Variants in CRB1 observed in about 807,000 individuals in gnomAD.
CRB1 encodes the protein crumbs cell polarity complex component 1.
CRB1 carries 83 observed loss-of-function variants against 120.0 expected under a neutral mutation model. The observed-to-expected ratio is 0.69, with a 90% CI of 0.58 to 0.83. The LOEUF (loss-of-function observed/expected upper bound fraction) is 0.83. CRB1 is among the 40% of genes least tolerant of loss of function. The pLI, the probability that CRB1 is intolerant of heterozygous loss-of-function variation, is 0.00. For missense variants in CRB1, 1,699 were observed against 1,687.6 expected (o/e 1.01, Z -0.12); for synonymous variants, 625 against 612.5 (o/e 1.02, Z -0.30).
chr1:197,238,518 A>G, the CRB1 span, among the ~76,000 whole-genome samples: 4 of 152,276 alleles, frequency 2.6e-5, no homozygotes, highest in Non-Finnish European at 4.4e-5. Context: ...ACAATTAAGT[A>G]CATGATTGTA....
chr1:197,305,559 G>T (rs115415163), intron 1 of CRB1, among the ~76,000 whole-genome samples: 1,992 of 151,870 alleles, frequency 0.013, 23 homozygotes, highest in Non-Finnish European at 0.022. Context: ...AGAGAGAAGA[G>T]AAATAATTAT....
At chr1:197,294,914 A>G (rs1221929458) in intron 1 of CRB1, among the ~76,000 whole-genome samples, 2 of 152,022 alleles carry the variant, frequency 1.3e-5, no homozygotes, top group African/African-American at 2.4e-5. Flanking sequence ...CGTGGGGTAG[A>G]GGGAGAGGGG....
intron 1 of CRB1, among the ~76,000 whole-genome samples, chr1:197,283,655 C>A (rs1413839973): frequency 1.3e-5 from 2 of 151,636 alleles, no homozygotes; most frequent in African/African-American, 4.8e-5. Context: ...ACCACAGTTT[C>A]TTTATACCAC....
chr1:197,418,035 G>T (rs1319938333), intron 5 of CRB1, among the ~76,000 whole-genome samples: 1 of 151,912 alleles, frequency 6.6e-6, no homozygotes, highest in Admixed American at 6.6e-5. Context: ...AAGTCCTGGG[G>T]TCTGCTGAAG....
chr1:197,403,785 TCC>T (rs1663188689), intron 5 of CRB1, among the ~76,000 whole-genome samples: 1 of 151,940 alleles, frequency 6.6e-6, no homozygotes, highest in African/African-American at 2.4e-5. Flanking sequence ...TCTCTCTCTC[TCC>T]CTCTCTCCCC....
At chr1:197,307,960 A>T (rs779507057) in intron 1 of CRB1, among the ~76,000 whole-genome samples, 1 of 152,182 alleles carries the variant, frequency 6.6e-6, no homozygotes, top group Non-Finnish European at 1.5e-5. Flanking sequence ...AAGAGAATAA[A>T]TCAGTCTACC....
At chr1:197,330,153 T>G (rs1009499601) in intron 2 of CRB1, among the ~76,000 whole-genome samples, 1 of 152,184 alleles carries the variant, frequency 6.6e-6, no homozygotes, top group African/African-American at 2.4e-5. Context: ...TAAAATGAAA[T>G]TTTTCCCCTC....
the CRB1 span, among the ~76,000 whole-genome samples, chr1:197,214,592 CT>C: frequency 1.3e-5 from 2 of 152,028 alleles, no homozygotes; most frequent in African/African-American, 4.8e-5. Flanking sequence ...AATGGATAAA[CT>C]TCTATAAGCA....
At chr1:197,420,738 T>C (rs1259374891) in intron 5 of CRB1, among the ~76,000 whole-genome samples, 1 of 152,228 alleles carries the variant, frequency 6.6e-6, no homozygotes, top group Non-Finnish European at 1.5e-5. Context: ...ACAGTGATAG[T>C]TGGAATCAAT....
chr1:197,461,932 G>A (rs1242408817), intron 11 of CRB1, among the ~76,000 whole-genome samples: 1 of 152,134 alleles, frequency 6.6e-6, no homozygotes. Context: ...CATGTTGTTT[G>A]AATAGTTTTC....
At chr1:197,405,954 G>A (rs899274887) in intron 5 of CRB1, among the ~76,000 whole-genome samples, 1 of 151,114 alleles carries the variant, frequency 6.6e-6, no homozygotes, top group African/African-American at 2.4e-5. Context: ...AGGGAGGTGG[G>A]GGGGTCAGCC....
At chr1:197,238,764 A>G in the CRB1 span, among the ~76,000 whole-genome samples, 1 of 152,146 alleles carries the variant, frequency 6.6e-6, no homozygotes, top group East Asian at 1.9e-4. Context: ...GAATCATTTG[A>G]ACCCAGGAGG....
intron 11 of CRB1, among the ~76,000 whole-genome samples, chr1:197,463,774 C>T (rs552976922): frequency 6.6e-6 from 1 of 152,186 alleles, no homozygotes; most frequent in East Asian, 1.9e-4. Flanking sequence ...TTTCCATATC[C>T]CTATGTTCCA....
intron 5 of CRB1, among the ~76,000 whole-genome samples, chr1:197,375,975 C>G (rs1450005466): frequency 1.3e-5 from 2 of 152,122 alleles, no homozygotes; most frequent in Admixed American, 1.3e-4. Flanking sequence ...CAACAATTTC[C>G]ATTTGCTAAT....
At position 197,315,920 on chromosome 1, in the gene CRB1, T is replaced by C. The variant is rs147920607; in HGVS notation, c.71-12502T>C. Among the ~76,000 whole-genome samples the C allele has an allele frequency of 3.9e-4, 60 of 152,378 alleles. No individual in the cohort carries two copies. In the East Asian group the frequency reaches 0.011, roughly 28 times the overall value. On this transcript the variant is annotated intron_variant, in intron 1 of 11. Coordinates refer to ENST00000367400, the MANE Select transcript of CRB1 (RefSeq NM_201253.3). Reference sequence around the variant, plus strand: ...TTCTTACACTAACATTCTAAAAGGATAATCTTAGAGGTGAACTGAGGTCAA... The same window carrying C: ...TTCTTACACTAACATTCTAAAAGGACAATCTTAGAGGTGAACTGAGGTCAA...
chr1:197,282,649 C>T (rs1043512459), intron 1 of CRB1, among the ~76,000 whole-genome samples: 1 of 151,814 alleles, frequency 6.6e-6, no homozygotes, highest in African/African-American at 2.4e-5. Flanking sequence ...CCTGCAGTCT[C>T]TTAAGAAACG....
At chr1:197,232,601 G>T in the CRB1 span, among the ~76,000 whole-genome samples, 2 of 152,096 alleles carry the variant, frequency 1.3e-5, no homozygotes, top group African/African-American at 4.8e-5. Context: ...TGTCCAGAAG[G>T]CTGAGGCCAG....
the CRB1 span, chr1:197,222,287 G>GT: frequency 1.6e-6 from 1 of 629,748 alleles, no homozygotes; most frequent in South Asian, 1.6e-5. Context: ...TTAGTTCTTG[G>GT]TCTGTTATTT....
intron 5 of CRB1, among the ~76,000 whole-genome samples, chr1:197,388,000 C>CTA (rs919936121): frequency 1.5e-3 from 226 of 151,022 alleles, no homozygotes; most frequent in African/African-American, 4.2e-3. Flanking sequence ...CTCTCTCTCT[C>CTA]TATATATATA....
Sources: gnomAD v4.1 joint callset for allele counts (sites outside exome capture counted in the v4.1 genomes callset) on GRCh38, gnomAD v4.1.1 for gene constraint, MANE v1.5 for transcripts, NCBI Gene and HGNC (gene_info 2026-07-23, HGNC 2026-07-21) for gene names.